Variants in DCAF4 observed in about 807,000 individuals in gnomAD.
DCAF4 encodes DDB1 and CUL4 associated factor 4.
Under a neutral mutation model 60.9 loss-of-function variants are expected in DCAF4, and 37 were observed. The observed-to-expected ratio is 0.61, with a 90% CI of 0.47 to 0.80. DCAF4 has a LOEUF of 0.80. Ranked by LOEUF, DCAF4 falls within the 30% of genes least tolerant of loss-of-function variation. The pLI is 0.00. For synonymous variants in DCAF4, 243 were observed against 254.8 expected, an observed-to-expected ratio of 0.95 and a Z score of 0.44; for missense variants, 577 against 650.0, an observed-to-expected ratio of 0.89 and a Z score of 1.22.
At chr14:72,944,615 A>C (rs1450420685) in intron 6 of DCAF4, among the ~76,000 whole-genome samples, 1 of 152,108 alleles carries the variant, frequency 6.6e-6, no homozygotes, top group East Asian at 1.9e-4. Flanking sequence ...CAACGTGGGT[A>C]AACCCCGTCT....
At chr14:72,927,998 A>G (rs577412451) in intron 1 of DCAF4, among the ~76,000 whole-genome samples, 1 of 151,610 alleles carries the variant, frequency 6.6e-6, no homozygotes, top group South Asian at 2.1e-4. Flanking sequence ...GGGGTGTCTC[A>G]CTATGTTGCC....
chr14:72,941,208 C>T (rs145986879), intron 4 of DCAF4, among the ~76,000 whole-genome samples: 12 of 152,048 alleles, frequency 7.9e-5, no homozygotes, highest in East Asian at 1.9e-4. Flanking sequence ...TCAAGTAATC[C>T]GCCCACCTTG....
At chr14:72,950,640 C>T (rs1891289598) in intron 8 of DCAF4, among the ~76,000 whole-genome samples, 1 of 151,976 alleles carries the variant, frequency 6.6e-6, no homozygotes, top group Non-Finnish European at 1.5e-5. Context: ...TATAAAGGGG[C>T]AGGTCAGAGA....
In DCAF4 at chr14:72,929,663, C is replaced by G. The variant is rs1371284582; in HGVS notation, c.-9+3120C>G. ...TCATGGCAGCCAGTACCTTGCTCAG[C>G]TCCTCCCGCTTCCTCTTGGCACGGA... On this transcript the variant is annotated intron_variant, in intron 1 of 13. Transcript: ENST00000358377. The G allele has an allele frequency of 3.0e-6, 4 of 1,339,998 alleles. No homozygotes were observed. In the Admixed American group the frequency reaches 5.6e-5, roughly 19 times the overall value. 83.0% of individuals were successfully genotyped at this position (1,339,998 alleles called of 1,614,324 possible). A position where few individuals can be genotyped will look rare whatever the true frequency, so the allele number is the denominator to read the frequency against.
chr14:72,937,412 T>TTC (rs1323735248), intron 1 of DCAF4, among the ~76,000 whole-genome samples: 8 of 104,258 alleles, frequency 7.7e-5, no homozygotes, highest in Non-Finnish European at 1.6e-4. Context: ...TTTCTTTTCT[T>TTC]TTTTTTTTTT....
chr14:72,942,914 G>A, intron 5 of DCAF4, 80 bp from the exon 6 acceptor site: 1 of 1,304,766 alleles, frequency 7.7e-7, no homozygotes. Flanking sequence ...CGTCAGCGGG[G>A]CAGGGAAGGC....
rs57258334 is a variant in DCAF4, at chr14:72,928,585, TTATATATATATA to T, written c.-9+2063_-9+2074del. 6.0e-3 allele frequency among the ~76,000 whole-genome samples: 95 copies of T among 15,938 alleles called. No homozygotes were observed. In the South Asian group the frequency reaches 0.14, roughly 23 times the overall value. 10.5% of individuals were successfully genotyped at this position (15,938 alleles called of 152,430 possible). ...TACAGCATGGTGTAGTAAACATCCT[TTATATATATATA>T]TATATATATATATATATATAGTTCA... is the stretch of plus-strand genomic sequence containing the variant. On this transcript the variant is annotated intron_variant, in intron 1 of 13. Transcript: ENST00000358377.
chr14:72,943,039 C>G lies in DCAF4; in HGVS notation c.477C>G (p.Val159=). The change falls in exon 6 of 14, where the codon GTC becomes GTG. Residue 159 remains valine (V), a synonymous_variant. Coordinates refer to ENST00000358377, the MANE Select transcript of DCAF4 (RefSeq NM_015604.4). ...LRLSCMERKK[V]QIRSMDPSAL... ...TCAGCTGCATGGAGAGGAAAAAGGTCCAGATTCGAAGCATGGATCCCTCCG... is the reference window on the plus strand; with the variant it reads ...TCAGCTGCATGGAGAGGAAAAAGGTGCAGATTCGAAGCATGGATCCCTCCG... 6.2e-7 allele frequency: 1 copy of G among 1,614,190 alleles called. No homozygotes were observed. Among genetic ancestry groups the G allele is most frequent in the East Asian group, 2.2e-5 (1 of 44,880 alleles).
At chr14:72,940,742 C>T (rs1889939414) in intron 4 of DCAF4, among the ~76,000 whole-genome samples, 1 of 151,760 alleles carries the variant, frequency 6.6e-6, no homozygotes, top group African/African-American at 2.4e-5. Context: ...AGGCACGTGC[C>T]ACCATGCCCA....
At chr14:72,927,911 A>T (rs1300434030) in intron 1 of DCAF4, among the ~76,000 whole-genome samples, 1 of 151,594 alleles carries the variant, frequency 6.6e-6, no homozygotes, top group Non-Finnish European at 1.5e-5. Flanking sequence ...ACAGTGAACA[A>T]CTCCTAACTG....
At chr14:72,941,580 A>T (rs1339140353) in intron 4 of DCAF4, among the ~76,000 whole-genome samples, 165 bp from the exon 5 acceptor site, 1 of 151,456 alleles carries the variant, frequency 6.6e-6, no homozygotes, top group African/African-American at 2.4e-5. Context: ...CCTCTTGCCG[A>T]GGAAGGGAGA....
At position 72,945,975 on chromosome 14, in the gene DCAF4, C is replaced by A. The variant is rs1333142813; in HGVS notation, c.626C>A (p.Thr209Asn). The change falls in exon 7 of 14, where the codon ACC becomes AAC. Residue 209 changes from threonine (T) to asparagine (N), a missense_variant. By Grantham distance (65) the Thr-to-Asn change is moderately conservative. Coordinates refer to ENST00000358377, the MANE Select transcript of DCAF4 (RefSeq NM_015604.4). ...ATCATCAACCTGCAAAGTCTGAAGA[C>A]CCCTACGCTCAAGGTGTTCATGCAC... is the stretch of plus-strand genomic sequence containing the variant. ...YGIINLQSLK[T>N]PTLKVFMHEN... is the part of the protein sequence containing the mutation. The A allele has an allele frequency of 1.2e-5, 19 of 1,614,146 alleles. No individual in the cohort carries two copies. In the East Asian group the frequency reaches 3.3e-4, roughly 28 times the overall value.
intron 7 of DCAF4, among the ~76,000 whole-genome samples, chr14:72,946,707 A>G (rs1890787097): frequency 2.0e-5 from 3 of 152,192 alleles, no homozygotes; most frequent in African/African-American, 7.2e-5. Context: ...GGCTTAAACA[A>G]ATAAGAGGAG....
intron 6 of DCAF4, among the ~76,000 whole-genome samples, 173 bp downstream of exon 6, chr14:72,943,269 C>T (rs764050403): frequency 5.9e-5 from 9 of 152,206 alleles, no homozygotes; most frequent in East Asian, 1.9e-4. Flanking sequence ...CGCTGGGAGA[C>T]GCTGAGCTGG....
At chr14:72,929,252 G>A (rs1888172396) in intron 1 of DCAF4, among the ~76,000 whole-genome samples, 1 of 152,254 alleles carries the variant, frequency 6.6e-6, no homozygotes. Flanking sequence ...CCATTTTGGA[G>A]ACCGGTGCAA....
chr14:72,947,035 C>A, intron 7 of DCAF4, 107 bp from the exon 8 acceptor site: 1 of 1,410,754 alleles, frequency 7.1e-7, no homozygotes, highest in Non-Finnish European at 1.0e-6. Flanking sequence ...TGAAGAGGAG[C>A]AGGACGTGAA....
intron 1 of DCAF4, among the ~76,000 whole-genome samples, chr14:72,929,356 T>C (rs934579277): frequency 6.6e-6 from 1 of 152,222 alleles, no homozygotes; most frequent in Non-Finnish European, 1.5e-5. Flanking sequence ...GTCCACATAT[T>C]CTGTGCACTA....
Position 72,940,371 on chromosome 14 carries a change from GA to G in DCAF4, c.350del (p.Lys117ArgfsTer29). On this transcript the variant is annotated frameshift_variant, in exon 4 of 14. Coordinates refer to ENST00000358377, the MANE Select transcript of DCAF4 (RefSeq NM_015604.4). LOFTEE classifies it high-confidence loss of function. ...GGCTGCTCCAGGAAGAAGACAGACG[GA>G]AAAAGGTGGGCTCCTCACCCCTTCG... is the stretch of plus-strand genomic sequence containing the variant. ...LRLLQEEDRR[K>X]KIARMGFNAS... 2.5e-6 allele frequency: 4 copies of G among 1,607,970 alleles called. No individual in the cohort carries two copies. Among genetic ancestry groups the G allele is most frequent in the Admixed American group, 1.7e-5 (1 of 57,772 alleles).
intron 8 of DCAF4, among the ~76,000 whole-genome samples, chr14:72,950,688 C>G (rs1891296826): frequency 6.6e-6 from 1 of 152,018 alleles, no homozygotes; most frequent in Non-Finnish European, 1.5e-5. Context: ...AACAGAGACA[C>G]CCACATGTAG....
Sources: allele counts gnomAD v4.1 joint callset (sites outside exome capture counted in the v4.1 genomes callset), GRCh38; gene constraint gnomAD v4.1.1; transcripts MANE v1.5; gene names NCBI Gene and HGNC (gene_info 2026-07-23, HGNC 2026-07-21).